TENM4: variants seen among roughly 807,000 people sequenced by gnomAD.
TENM4 encodes teneurin transmembrane protein 4, also known as teneurin-4.
TENM4 carries 82 observed loss-of-function variants against 243.3 expected under a neutral mutation model. The ratio of observed to expected loss-of-function variants is 0.34; its 90% confidence interval spans 0.28 to 0.40. The LOEUF is 0.40. Among genes scored for constraint, TENM4 ranks in the 10% least tolerant of loss-of-function variants. TENM4 has a pLI of 1.00. For missense variants in TENM4, 3,138 were observed against 3,673.3 expected (o/e 0.85, Z 3.77); for synonymous variants, 1,412 against 1,456.3 (o/e 0.97, Z 0.69).
chr11:79,329,278 G>A (rs976300062), intron 1 of TENM4, among the ~76,000 whole-genome samples: 2 of 152,226 alleles, frequency 1.3e-5, no homozygotes, highest in African/African-American at 4.8e-5. Flanking sequence ...GAGCAGAGCT[G>A]GGTTCTTTAA....
chr11:78,828,623 T>C (rs1235061350), intron 12 of TENM4, among the ~76,000 whole-genome samples: 1 of 152,256 alleles, frequency 6.6e-6, no homozygotes, highest in African/African-American at 2.4e-5. Flanking sequence ...AGAGGCCAAG[T>C]TGGACTTCTT....
At chr11:78,704,034 T>TATATAC (rs1325650258) in intron 27 of TENM4, among the ~76,000 whole-genome samples, 13 of 138,264 alleles carry the variant, frequency 9.4e-5, no homozygotes, top group African/African-American at 3.3e-4. Context: ...CATATATATA[T>TATATAC]ACACACACAC....
intron 28 of TENM4, among the ~76,000 whole-genome samples, chr11:78,696,324 A>C (rs1329272968): frequency 1.3e-5 from 2 of 152,198 alleles, no homozygotes; most frequent in East Asian, 3.9e-4. Flanking sequence ...TAAAATAATT[A>C]TAGTTATTTT....
chr11:79,327,810 G>A (rs1856998829), intron 1 of TENM4, among the ~76,000 whole-genome samples: 1 of 152,062 alleles, frequency 6.6e-6, no homozygotes, highest in Non-Finnish European at 1.5e-5. Context: ...CCTGAAAGAG[G>A]CAACTCCACC....
chr11:79,261,209 C>A (rs566875981), intron 2 of TENM4, among the ~76,000 whole-genome samples: 1 of 152,254 alleles, frequency 6.6e-6, no homozygotes, highest in East Asian at 1.9e-4. Context: ...ACCCCCTGAC[C>A]CTGGGTCCAG....
intron 6 of TENM4, among the ~76,000 whole-genome samples, chr11:79,061,959 G>C (rs563735730): frequency 7.9e-6 from 1 of 126,964 alleles, no homozygotes; most frequent in Non-Finnish European, 1.6e-5. Context: ...ATAATCGGTG[G>C]CAACTATTTT....
chr11:79,290,742 G>A (rs959487802), intron 2 of TENM4, among the ~76,000 whole-genome samples: 1 of 152,000 alleles, frequency 6.6e-6, no homozygotes, highest in Admixed American at 6.6e-5. Context: ...TTTTATTGAT[G>A]GGAAACTCAT....
At chr11:79,252,465 C>G (rs543025975) in intron 2 of TENM4, among the ~76,000 whole-genome samples, 3 of 152,284 alleles carry the variant, frequency 2.0e-5, no homozygotes, top group Admixed American at 2.0e-4. Flanking sequence ...CCTCGAACTC[C>G]TGACCTCGTG....
chr11:79,315,225 A>G (rs1258333162), intron 1 of TENM4, among the ~76,000 whole-genome samples: 1 of 152,194 alleles, frequency 6.6e-6, no homozygotes, highest in African/African-American at 2.4e-5. Flanking sequence ...AGGGCACTCA[A>G]GAGGGAAATG....
intron 1 of TENM4, among the ~76,000 whole-genome samples, chr11:79,324,815 G>A (rs888839459): frequency 6.6e-6 from 1 of 152,152 alleles, no homozygotes; most frequent in Non-Finnish European, 1.5e-5. Context: ...TCCATCAAGG[G>A]TTCATAGCAG....
chr11:78,858,046 G>C (rs535396330), intron 10 of TENM4, among the ~76,000 whole-genome samples: 1 of 152,332 alleles, frequency 6.6e-6, no homozygotes, highest in Non-Finnish European at 1.5e-5. Flanking sequence ...GGCAGTCTGA[G>C]CTGATGGGAT....
intron 6 of TENM4, among the ~76,000 whole-genome samples, chr11:78,931,306 C>T (rs1402082847): frequency 6.6e-6 from 1 of 152,148 alleles, no homozygotes; most frequent in Non-Finnish European, 1.5e-5. Flanking sequence ...GTCCTAACAG[C>T]AGGCCCATAT....
At chr11:78,927,808 C>T (rs1001716584) in intron 6 of TENM4, among the ~76,000 whole-genome samples, 1 of 152,076 alleles carries the variant, frequency 6.6e-6, no homozygotes, top group Non-Finnish European at 1.5e-5. Context: ...AACCAGGCTC[C>T]ACTTTCTCCC....
intron 21 of TENM4, 101 bp from the exon 22 acceptor site, chr11:78,729,744 G>T: frequency 6.9e-7 from 1 of 1,444,922 alleles, no homozygotes; most frequent in South Asian, 1.4e-5. Context: ...AGGAGGTAGA[G>T]GGAAAGGCAG....
intron 3 of TENM4, among the ~76,000 whole-genome samples, chr11:79,176,455 G>A (rs1863161429): frequency 6.6e-6 from 1 of 152,118 alleles, no homozygotes; most frequent in Admixed American, 6.5e-5. Flanking sequence ...CTAACAGATT[G>A]ACTACATGTT....
chr11:78,962,203 A>T (rs1035388388), intron 6 of TENM4: 4 of 151,338 alleles, frequency 2.6e-5, no homozygotes, highest in African/African-American at 9.7e-5. Context: ...TTAGGGACAA[A>T]CTCTTCCTCA....
At chr11:79,310,183 CAG>C (rs1248247059) in intron 1 of TENM4, among the ~76,000 whole-genome samples, 1 of 152,192 alleles carries the variant, frequency 6.6e-6, no homozygotes, top group Non-Finnish European at 1.5e-5. Flanking sequence ...CCAAATGAAA[CAG>C]AGGCCAAATA....
intron 4 of TENM4, among the ~76,000 whole-genome samples, chr11:79,138,931 A>T (rs1316746259): frequency 4.5e-4 from 48 of 106,294 alleles, no homozygotes; most frequent in African/African-American, 1.8e-3. Flanking sequence ...CATTTCCATA[A>T]ATATATAAAA....
intron 6 of TENM4, among the ~76,000 whole-genome samples, chr11:78,954,902 G>A (rs1857177648): frequency 6.6e-6 from 1 of 152,202 alleles, no homozygotes; most frequent in South Asian, 2.1e-4. Context: ...GAAAGCCGAA[G>A]AACCAACAGA....
Sources: gnomAD v4.1 joint callset for allele counts (sites outside exome capture counted in the v4.1 genomes callset) on GRCh38, gnomAD v4.1.1 for gene constraint, MANE v1.5 for transcripts, NCBI Gene and HGNC (gene_info 2026-07-23, HGNC 2026-07-21) for gene names.